The following DGKB variants were observed in gnomAD, a reference collection of about 807,000 sequenced individuals.
DGKB encodes the protein 90 kDa diacylglycerol kinase.
A neutral mutation model predicts 114.3 loss-of-function variants in DGKB; 67 were observed. The observed-to-expected ratio is 0.59, with a 90% CI of 0.48 to 0.72. The LOEUF is 0.72. Ranked by LOEUF, DGKB falls within the 30% of genes least tolerant of loss-of-function variation. The probability of loss-of-function intolerance (pLI) is 0.00; values close to 1 mark genes in which losing one functional copy is unlikely to be tolerated. For missense variants in DGKB, 907 were observed against 975.2 expected, an observed-to-expected ratio of 0.93 and a Z score of 0.93; for synonymous variants, 398 against 323.1, an observed-to-expected ratio of 1.23 and a Z score of -2.49.
chr7:14,168,865 C>A (rs532925483), intron 25 of DGKB, among the ~76,000 whole-genome samples: 27 of 152,266 alleles, frequency 1.8e-4, no homozygotes. Flanking sequence ...TGCTTCTAAG[C>A]TTGGCATTGA....
intron 21 of DGKB, among the ~76,000 whole-genome samples, chr7:14,416,803 C>A (rs926488524): frequency 2.0e-5 from 3 of 152,018 alleles, no homozygotes; most frequent in African/African-American, 7.2e-5. Context: ...TAATACAAGT[C>A]CCTTTTTACT....
At chr7:14,774,170 G>T (rs1837823853) in intron 2 of DGKB, among the ~76,000 whole-genome samples, 1 of 152,144 alleles carries the variant, frequency 6.6e-6, no homozygotes, top group Non-Finnish European at 1.5e-5. Context: ...AAATGTCTTA[G>T]GCATTGTTGT....
intron 23 of DGKB, among the ~76,000 whole-genome samples, chr7:14,239,639 C>A (rs78903395): frequency 7.0e-4 from 106 of 152,102 alleles, no homozygotes; most frequent in Middle Eastern, 3.4e-3. Context: ...TGTTAAATGA[C>A]ATGCTAAGAT....
At chr7:14,952,087 C>A (rs371157008) in intron 1 of DGKB, among the ~76,000 whole-genome samples, 1 of 151,868 alleles carries the variant, frequency 6.6e-6, no homozygotes, top group Non-Finnish European at 1.5e-5. Flanking sequence ...TCCAGTATGA[C>A]TTTATCCTTA....
At chr7:14,913,580 T>G (rs907243022) in intron 1 of DGKB, among the ~76,000 whole-genome samples, 2 of 151,410 alleles carry the variant, frequency 1.3e-5, no homozygotes, top group East Asian at 3.9e-4. Flanking sequence ...AATTCTAATA[T>G]TTCAGAGGAG....
At chr7:14,611,051 G>C (rs1249546721) in intron 16 of DGKB, among the ~76,000 whole-genome samples, 1 of 151,792 alleles carries the variant, frequency 6.6e-6, no homozygotes, top group East Asian at 1.9e-4. Context: ...ATTCCTCTTG[G>C]TTGACACCCT....
intron 20 of DGKB, among the ~76,000 whole-genome samples, chr7:14,571,748 C>A (rs537125103): frequency 6.6e-6 from 1 of 152,160 alleles, no homozygotes; most frequent in Non-Finnish European, 1.5e-5. Context: ...TGAATGTATT[C>A]TTCAGTGACC....
At chr7:14,150,369 C>A (rs954534325) in intron 25 of DGKB, among the ~76,000 whole-genome samples, 1 of 152,116 alleles carries the variant, frequency 6.6e-6, no homozygotes, top group Non-Finnish European at 1.5e-5. Context: ...ATATCCTTCA[C>A]TTGTCATTCA....
intron 17 of DGKB, among the ~76,000 whole-genome samples, chr7:14,597,500 AGT>A (rs1430693917): frequency 6.6e-6 from 1 of 152,080 alleles, no homozygotes; most frequent in Non-Finnish European, 1.5e-5. Flanking sequence ...TGCTTTTCGG[AGT>A]GTGTTTATTA....
chr7:14,193,988 C>T (rs991529792), intron 23 of DGKB, among the ~76,000 whole-genome samples: 2 of 151,824 alleles, frequency 1.3e-5, no homozygotes, highest in Admixed American at 1.3e-4. Context: ...AAATGAAAAC[C>T]ACAACGAGAT....
chr7:14,596,201 T>C (rs923621520), intron 17 of DGKB, among the ~76,000 whole-genome samples: 7 of 152,200 alleles, frequency 4.6e-5, no homozygotes, highest in African/African-American at 1.4e-4. Context: ...TTTAATATCA[T>C]GTAACTTTCA....
chr7:14,859,707 T>G (rs1850696550), intron 1 of DGKB, among the ~76,000 whole-genome samples: 1 of 152,136 alleles, frequency 6.6e-6, no homozygotes, highest in African/African-American at 2.4e-5. Flanking sequence ...AACATTTACT[T>G]CGGAACTTTA....
At chr7:14,260,096 AC>A (rs1459143834) in intron 23 of DGKB, among the ~76,000 whole-genome samples, 6 of 63,036 alleles carry the variant, frequency 9.5e-5, no homozygotes, top group South Asian at 1.5e-3. Context: ...GTACACACAC[AC>A]ACACACACAT....
chr7:14,787,130 C>T (rs1294787254), intron 2 of DGKB, among the ~76,000 whole-genome samples: 24 of 152,186 alleles, frequency 1.6e-4, no homozygotes, highest in Admixed American at 1.6e-3. Context: ...TACTCACCCT[C>T]CAGTTATCTG....
chr7:14,814,079 T>C (rs1411607020), intron 2 of DGKB: 2 of 152,210 alleles, frequency 1.3e-5, no homozygotes, highest in African/African-American at 4.8e-5. Flanking sequence ...AACATTACAA[T>C]TGATTCCTCA....
At chr7:14,286,422 T>C (rs139597352) in intron 23 of DGKB, among the ~76,000 whole-genome samples, 3 of 152,296 alleles carry the variant, frequency 2.0e-5, no homozygotes, top group Non-Finnish European at 1.5e-5. Flanking sequence ...ATTACTTGGG[T>C]ACTAAAGTCT....
intron 23 of DGKB, among the ~76,000 whole-genome samples, chr7:14,276,595 T>C (rs1419640113): frequency 6.6e-6 from 1 of 152,098 alleles, no homozygotes; most frequent in East Asian, 1.9e-4. Context: ...CTGGAATATA[T>C]ATAGTAAATT....
chr7:14,338,120 A>G (rs1413128422), intron 23 of DGKB, among the ~76,000 whole-genome samples: 2 of 152,142 alleles, frequency 1.3e-5, no homozygotes, highest in Admixed American at 6.6e-5. Flanking sequence ...ACCAAAGCAG[A>G]AAAAGAACAA....
intron 2 of DGKB, among the ~76,000 whole-genome samples, chr7:14,758,389 A>C (rs570405763): frequency 6.6e-6 from 1 of 152,202 alleles, no homozygotes. Flanking sequence ...AATATGATAT[A>C]GATATATACA....
Sources: allele counts gnomAD v4.1 joint callset (sites outside exome capture counted in the v4.1 genomes callset), GRCh38; gene constraint gnomAD v4.1.1; transcripts MANE v1.5; gene names NCBI Gene and HGNC (gene_info 2026-07-23, HGNC 2026-07-21).